The following ENAH variants were observed in gnomAD, a reference collection of about 807,000 sequenced individuals.
ENAH encodes ENAH actin regulator, also known as protein enabled homolog.
ENAH carries 23 observed loss-of-function variants against 78.7 expected under a neutral mutation model. The observed-to-expected ratio is 0.29, with a 90% CI of 0.21 to 0.41. The LOEUF (loss-of-function observed/expected upper bound fraction) is 0.41. ENAH is among the 10% of genes least tolerant of loss of function. ENAH has a pLI of 1.00. For missense variants in ENAH, 544 were observed against 691.0 expected (o/e 0.79, Z 2.39); for synonymous variants, 226 against 241.0 (o/e 0.94, Z 0.58).
At chr1:225,626,758 A>G (rs1424644290) in intron 1 of ENAH, among the ~76,000 whole-genome samples, 1 of 152,264 alleles carries the variant, frequency 6.6e-6, no homozygotes, top group Non-Finnish European at 1.5e-5. Flanking sequence ...CTGTGTTAGC[A>G]TTAACATTTC....
intron 1 of ENAH, among the ~76,000 whole-genome samples, chr1:225,603,532 G>A (rs914389442): frequency 7.2e-5 from 11 of 152,082 alleles, no homozygotes; most frequent in African/African-American, 2.4e-4. Flanking sequence ...ACTAAGCTCT[G>A]TTCATCTTTA....
rs987859594 is a variant in ENAH at position 225,493,748 on chromosome 1, G to A, written c.*4027C>T. On this transcript the variant is annotated 3_prime_UTR_variant, in exon 14 of 14. Transcript: ENST00000366843. ...TGCTTTATATAGTTACTTTTACGCT[G>A]CTTATAATCGGTAGAATTTAAAGGG... 3 of 152,084 alleles carry A rather than the reference G, an allele frequency of 2.0e-5. No individual in the cohort carries two copies. Among genetic ancestry groups the A allele is most frequent in the Non-Finnish European group, 4.4e-5 (3 of 68,002 alleles). 9.4% of individuals were successfully genotyped at this position (152,084 alleles called of 1,614,324 possible).
intron 1 of ENAH, among the ~76,000 whole-genome samples, chr1:225,646,448 G>A (rs1317491476): frequency 1.3e-5 from 2 of 152,062 alleles, no homozygotes; most frequent in African/African-American, 4.8e-5. Context: ...TCTTCTGCAA[G>A]CCAGGAAGAG....
At chr1:225,565,009 C>T (rs1015912581) in intron 2 of ENAH, among the ~76,000 whole-genome samples, 11 of 151,986 alleles carry the variant, frequency 7.2e-5, no homozygotes, top group Non-Finnish European at 1.3e-4. Context: ...CTTAATGTCA[C>T]AATTTAGAAG....
In ENAH at chr1:225,497,788, G is replaced by C. The variant is rs754041444; in HGVS notation, c.1700C>G (p.Ser567Ter). 2 of 1,612,342 alleles carry C rather than the reference G, an allele frequency of 1.2e-6. No homozygotes were observed. Among genetic ancestry groups the C allele is most frequent in the South Asian group, 2.2e-5 (2 of 90,932 alleles). ...IDAIRQELSK[S>*]NTA is the part of the protein sequence containing the mutation. ...TAGTCTGTTCCTCTATGCAGTATTTGACTTGCTCAGTTCCTGCCTGATTGC... is the reference window on the plus strand; with the variant it reads ...TAGTCTGTTCCTCTATGCAGTATTTCACTTGCTCAGTTCCTGCCTGATTGC... The change falls in exon 14 of 14, where the codon TCA becomes TGA. Residue 567 changes from serine (S) to a stop codon, truncating the protein, a stop_gained. Transcript: ENST00000366843. LOFTEE classifies it high-confidence loss of function.
intron 4 of ENAH, among the ~76,000 whole-genome samples, chr1:225,525,863 T>C (rs1230048960): frequency 6.6e-6 from 1 of 152,162 alleles, no homozygotes; most frequent in African/African-American, 2.4e-5. Flanking sequence ...CATTCTAAAA[T>C]ACCATAGTGA....
In ENAH at chr1:225,488,443, C is replaced by T. The variant is rs180935136; in HGVS notation, c.*9332G>A. The T allele has an allele frequency of 3.3e-5, 5 of 152,206 alleles. No individual in the cohort carries two copies. The East Asian group carries it at 7.7e-4, about 24-fold the overall frequency. 9.4% of individuals were successfully genotyped at this position (152,206 alleles called of 1,614,324 possible). ...AGCACGAGTGTGGCTGTCCCTCTCT[C>T]GCTCCCACCAGCTACATAATAGGGA... On this transcript the variant is annotated 3_prime_UTR_variant, in exon 14 of 14. Coordinates refer to ENST00000366843, the MANE Select transcript of ENAH (RefSeq NM_018212.6).
chr1:225,556,969 A>G lies in ENAH; in HGVS notation c.172-1886T>C, dbSNP rs541704877. On this transcript the variant is annotated intron_variant, in intron 2 of 13. Transcript: ENST00000366843. The stretch of plus-strand genomic sequence containing the variant: ...CCTGCAGCACATAAATCAAGTGTCT[A>G]TAAGGCTCTATTTTCACCTACAGAT... Among the ~76,000 whole-genome samples, 6 of 152,318 alleles carry G rather than the reference A, an allele frequency of 3.9e-5. No individual in the cohort carries two copies. In the South Asian group the frequency reaches 6.2e-4, roughly 16 times the overall value.
chr1:225,517,849 G>A, intron 5 of ENAH: 1 of 1,551,468 alleles, frequency 6.4e-7, no homozygotes. Context: ...TGGCAAAGCA[G>A]TCACTACAGC....
intron 1 of ENAH, among the ~76,000 whole-genome samples, chr1:225,587,903 A>G (rs1227012731): frequency 6.6e-6 from 1 of 152,150 alleles, no homozygotes; most frequent in Non-Finnish European, 1.5e-5. Flanking sequence ...CTTTTCAATA[A>G]GTGGTGCTGG....
intron 2 of ENAH, among the ~76,000 whole-genome samples, chr1:225,562,432 C>T (rs2096711126): frequency 6.6e-6 from 1 of 151,418 alleles, no homozygotes; most frequent in Non-Finnish European, 1.5e-5. Context: ...ATTAACCGGG[C>T]GTGGTGACAG....
intron 8 of ENAH, 71 bp downstream of exon 8, chr1:225,512,800 G>T (rs572447351): frequency 1.9e-6 from 3 of 1,604,392 alleles, no homozygotes; most frequent in African/African-American, 2.7e-5. Context: ...AGTGCATCTA[G>T]TTAGTTGTAT....
chr1:225,567,934 A>G (rs1436430566), intron 1 of ENAH, among the ~76,000 whole-genome samples: 1 of 152,188 alleles, frequency 6.6e-6, no homozygotes, highest in Non-Finnish European at 1.5e-5. Context: ...GTCTGTAACT[A>G]AGTCTGATAA....
chr1:225,625,677 G>A (rs537327571), intron 1 of ENAH, among the ~76,000 whole-genome samples: 6 of 152,120 alleles, frequency 3.9e-5, no homozygotes, highest in African/African-American at 1.2e-4. Context: ...CAACGTGCCC[G>A]GCTAATTGTT....
At chr1:225,506,921 C>T (rs541572558) in intron 11 of ENAH, among the ~76,000 whole-genome samples, 12 of 151,776 alleles carry the variant, frequency 7.9e-5, no homozygotes, top group African/African-American at 1.4e-4. Context: ...TTGCTTTTTA[C>T]GAGACAAAAA....
chr1:225,506,865 C>A (rs530395043), intron 11 of ENAH, among the ~76,000 whole-genome samples: 1 of 152,288 alleles, frequency 6.6e-6, no homozygotes, highest in South Asian at 2.1e-4. Context: ...AATATAAAGT[C>A]TATCCCTGTA....
In ENAH at chr1:225,487,487, T is replaced by C. The variant is rs2096205176; in HGVS notation, c.*10288A>G. The stretch of plus-strand genomic sequence containing the variant: ...TAGTATGTTGATTTAAAACAAGTTG[T>C]TACCAGTTTCCCTTACCCTTGAATT... On this transcript the variant is annotated 3_prime_UTR_variant, in exon 14 of 14. Transcript: ENST00000366843. The C allele has an allele frequency of 6.6e-6, 1 of 152,238 alleles. No homozygotes were observed. The highest frequency in any genetic ancestry group is 2.4e-5 in the African/African-American group (1 of 41,466). 9.4% of individuals were successfully genotyped at this position (152,238 alleles called of 1,614,324 possible).
chr1:225,578,130 G>A (rs142348862), intron 1 of ENAH, among the ~76,000 whole-genome samples: 1 of 152,222 alleles, frequency 6.6e-6, no homozygotes, highest in East Asian at 1.9e-4. Context: ...AGAGAAACTT[G>A]TAAAACTTAC....
intron 6 of ENAH, 22 bp from the exon 7 acceptor site, chr1:225,514,922 T>TA: frequency 6.3e-7 from 1 of 1,592,150 alleles, no homozygotes; most frequent in Non-Finnish European, 8.6e-7. Flanking sequence ...AAATGTTAAG[T>TA]AAGACCATCA....
Sources: gnomAD v4.1 joint callset for allele counts (sites outside exome capture counted in the v4.1 genomes callset) on GRCh38, gnomAD v4.1.1 for gene constraint, MANE v1.5 for transcripts, NCBI Gene and HGNC (gene_info 2026-07-23, HGNC 2026-07-21) for gene names.